C1orf21: variants seen among roughly 807,000 people sequenced by gnomAD.
The protein encoded by C1orf21 is chromosome 1 open reading frame 21, also known as uncharacterized protein C1orf21.
C1orf21 carries 3 observed loss-of-function variants against 18.7 expected under a neutral mutation model. That is an observed-to-expected ratio of 0.16 (90% CI 0.07 to 0.42). The LOEUF (loss-of-function observed/expected upper bound fraction) is 0.42. C1orf21 is among the 10% of genes least tolerant of loss of function. C1orf21 has a pLI of 0.99. For missense variants in C1orf21, 104 were observed against 143.6 expected (o/e 0.72, Z 1.41); for synonymous variants, 41 against 46.4 (o/e 0.88, Z 0.47).
chr1:184,581,190 G>A (rs1212375750), intron 3 of C1orf21, among the ~76,000 whole-genome samples: 1 of 152,144 alleles, frequency 6.6e-6, no homozygotes, highest in East Asian at 1.9e-4. Flanking sequence ...ACTTTTTGAG[G>A]CCAAGGCAGG....
At chr1:184,500,995 T>C (rs1657968191) in intron 2 of C1orf21, among the ~76,000 whole-genome samples, 1 of 152,190 alleles carries the variant, frequency 6.6e-6, no homozygotes, top group Non-Finnish European at 1.5e-5. Context: ...CTCACCTGCC[T>C]CAACAGACTG....
chr1:184,535,849 G>A (rs1269434206), intron 3 of C1orf21, among the ~76,000 whole-genome samples: 2 of 152,148 alleles, frequency 1.3e-5, no homozygotes, highest in Non-Finnish European at 1.5e-5. Context: ...CTATCTCATA[G>A]TGGAGCTGTT....
chr1:184,475,233 A>G (rs1657552256), intron 1 of C1orf21, among the ~76,000 whole-genome samples: 1 of 152,204 alleles, frequency 6.6e-6, no homozygotes, highest in Non-Finnish European at 1.5e-5. Context: ...AACTTGGATC[A>G]GAAAGAGTAC....
At chr1:184,470,498 CTT>C (rs1657478808) in intron 1 of C1orf21, among the ~76,000 whole-genome samples, 1 of 152,156 alleles carries the variant, frequency 6.6e-6, no homozygotes, top group African/African-American at 2.4e-5. Context: ...TCACAGGTGT[CTT>C]TCTGTAAAAG....
At chr1:184,394,960 C>G (rs1656027895) in intron 1 of C1orf21, among the ~76,000 whole-genome samples, 1 of 149,522 alleles carries the variant, frequency 6.7e-6, no homozygotes. Flanking sequence ...TTTTATGCCT[C>G]CCTTCCATGG....
At chr1:184,499,619 C>T (rs1157147918) in intron 2 of C1orf21, among the ~76,000 whole-genome samples, 1 of 151,942 alleles carries the variant, frequency 6.6e-6, no homozygotes, top group Non-Finnish European at 1.5e-5. Flanking sequence ...TTCTGATATA[C>T]TTTATTCCTA....
At chr1:184,589,470 G>A (rs60220474) in intron 3 of C1orf21, among the ~76,000 whole-genome samples, 9,432 of 152,222 alleles carry the variant, frequency 0.062, 420 homozygotes, top group African/African-American at 0.11. Flanking sequence ...GAGTGCATTC[G>A]GGTTTTCTAA....
intron 5 of C1orf21, among the ~76,000 whole-genome samples, chr1:184,603,687 C>T (rs1430818003): frequency 5.9e-5 from 9 of 152,110 alleles, no homozygotes; most frequent in African/African-American, 1.2e-4. Context: ...CCCAGCTACT[C>T]GGGAGGCTGA....
intron 3 of C1orf21, among the ~76,000 whole-genome samples, chr1:184,521,969 G>A (rs75613094): frequency 0.027 from 4,173 of 152,206 alleles, 177 homozygotes; most frequent in African/African-American, 0.094. Flanking sequence ...TACTATGGAG[G>A]TAATAATTAA....
chr1:184,400,149 TC>T (rs1449299905), intron 1 of C1orf21, among the ~76,000 whole-genome samples: 115 of 152,330 alleles, frequency 7.5e-4, no homozygotes, highest in African/African-American at 2.7e-3. Context: ...GGCTTCTGAA[TC>T]TTTTTGATGA....
intron 3 of C1orf21, among the ~76,000 whole-genome samples, chr1:184,577,953 G>GTTTTTTTT (rs1257021237): frequency 3.7e-5 from 4 of 108,956 alleles, no homozygotes; most frequent in Non-Finnish European, 5.7e-5. Context: ...TTTTGTTTTT[G>GTTTTTTTT]TTTTTTTTTT....
chr1:184,555,831 CT>C (rs1468365200), intron 3 of C1orf21, among the ~76,000 whole-genome samples: 2 of 152,170 alleles, frequency 1.3e-5, no homozygotes, highest in African/African-American at 4.8e-5. Flanking sequence ...AATAATTTCC[CT>C]GGCACAATAT....
chr1:184,531,206 T>C (rs2101973178), intron 3 of C1orf21, among the ~76,000 whole-genome samples: 1 of 152,318 alleles, frequency 6.6e-6, no homozygotes, highest in East Asian at 1.9e-4. Flanking sequence ...CCACAGATAT[T>C]TTGTATCTGG....
At chr1:184,584,565 T>C (rs950896618) in intron 3 of C1orf21, among the ~76,000 whole-genome samples, 1 of 152,214 alleles carries the variant, frequency 6.6e-6, no homozygotes. Flanking sequence ...GTTCTACTCC[T>C]AGGAATCTAC....
chr1:184,396,007 G>T (rs1197968944), intron 1 of C1orf21, among the ~76,000 whole-genome samples: 1 of 152,132 alleles, frequency 6.6e-6, no homozygotes, highest in Non-Finnish European at 1.5e-5. Flanking sequence ...GGATAAAGGG[G>T]TTTGGGGGCA....
chr1:184,477,566 G>A lies in C1orf21; in HGVS notation c.57G>A (p.Gln19=). The change falls in exon 2 of 6, where the codon CAG becomes CAA. Residue 19 remains glutamine, a synonymous_variant. Coordinates refer to ENST00000235307, the MANE Select transcript of C1orf21 (RefSeq NM_030806.4). The part of the protein sequence containing the change: ...VATVQNEEEA[Q]KGKNYQNGDV... ...CTGTTCAAAATGAAGAGGAAGCCCA[G>A]AAAGGGAAAAACTACCAGAACGGAG... 6.2e-7 allele frequency: 1 copy of A among 1,614,024 alleles called. No homozygotes were observed. Among genetic ancestry groups the A allele is most frequent in the Non-Finnish European group, 8.5e-7 (1 of 1,179,928 alleles).
rs1660004700 is a variant in C1orf21, at chr1:184,626,068, C to CA, written c.*6513dup. The CA allele has an allele frequency of 6.6e-6, 1 of 152,158 alleles. No homozygotes were observed. The highest frequency in any genetic ancestry group is 1.5e-5 in the Non-Finnish European group (1 of 68,028). 9.4% of individuals were successfully genotyped at this position (152,158 alleles called of 1,614,324 possible). ...GTTGACCCAGGTATAGCATTTTTAG[C>CA]ATTGCCTTTCCAGTCTTGATGATTC... On this transcript the variant is annotated 3_prime_UTR_variant, in exon 6 of 6. Coordinates refer to ENST00000235307, the MANE Select transcript of C1orf21 (RefSeq NM_030806.4).
Position 184,542,358 on chromosome 1 carries a change from C to G in C1orf21, c.189+34676C>G, listed in dbSNP as rs188835651. Among the ~76,000 whole-genome samples the G allele has an allele frequency of 4.9e-3, 742 of 152,240 alleles. 2 individuals are homozygous for G. Among genetic ancestry groups the G allele is most frequent in the Non-Finnish European group, 8.3e-3 (564 of 68,022 alleles). The stretch of plus-strand genomic sequence containing the variant: ...AAAACTTAAACACTTAGGTAACTTG[C>G]CTGGGGTCACACAACCAGTAAAGAA... On this transcript the variant is annotated intron_variant, in intron 3 of 5. Transcript: ENST00000235307.
chr1:184,440,551 CTT>C (rs543152256), intron 1 of C1orf21, among the ~76,000 whole-genome samples: 2 of 145,028 alleles, frequency 1.4e-5, no homozygotes, highest in African/African-American at 5.0e-5. Flanking sequence ...TGCACCTGGC[CTT>C]TTTTTTTTTT....
Sources: gnomAD v4.1 joint callset for allele counts (sites outside exome capture counted in the v4.1 genomes callset) on GRCh38, gnomAD v4.1.1 for gene constraint, MANE v1.5 for transcripts, NCBI Gene and HGNC (gene_info 2026-07-23, HGNC 2026-07-21) for gene names.